Variants in ZBTB10 observed in about 807,000 individuals in gnomAD.
ZBTB10 encodes zinc finger and BTB domain-containing protein 10.
A neutral mutation model predicts 76.4 loss-of-function variants in ZBTB10; 32 were observed. The ratio of observed to expected loss-of-function variants is 0.42; its 90% CI spans 0.32 to 0.56. The LOEUF (loss-of-function observed/expected upper bound fraction) is 0.56. ZBTB10 is among the 20% of genes least tolerant of loss of function. The probability of loss-of-function intolerance (pLI) is 0.14; values close to 1 mark genes in which losing one functional copy is unlikely to be tolerated. For missense variants in ZBTB10, 1,057 were observed against 1,098.5 expected (o/e 0.96, Z 0.53); for synonymous variants, 523 against 432.9 (o/e 1.21, Z -2.58).
rs1815447430 is a variant in ZBTB10 at position 80,486,327 on chromosome 8, C to G, written c.-484C>G. On this transcript the variant is annotated 5_prime_UTR_variant, in exon 1 of 6. Transcript: ENST00000455036. ...CGGAGCCGAGCAGTTTAGCGTGCCTCTCACCCTCAGCGCCTGCGAAGCCGG... is the reference window on the plus strand; with the variant it reads ...CGGAGCCGAGCAGTTTAGCGTGCCTGTCACCCTCAGCGCCTGCGAAGCCGG... 3 of 992,996 alleles carry G rather than the reference C, an allele frequency of 3.0e-6. No individual in the cohort carries two copies. The highest frequency in any genetic ancestry group is 1.2e-4 in the Admixed American group (2 of 16,318). The allele number at this position is 992,996 out of a possible 1,614,324, so 61.5% of individuals were successfully genotyped here. A position where few individuals can be genotyped will look rare whatever the true frequency, so the allele number is the denominator to read the frequency against.
intron 2 of ZBTB10, among the ~76,000 whole-genome samples, chr8:80,508,488 T>TG (rs1433974337): frequency 6.6e-6 from 1 of 152,234 alleles, no homozygotes; most frequent in Non-Finnish European, 1.5e-5. Context: ...GAGTCCCTTA[T>TG]GCGGAACTTA....
rs1364357474 is a variant in ZBTB10 at position 80,521,031 on chromosome 8, T to C, written c.*1503T>C. The C allele has an allele frequency of 2.0e-5, 3 of 152,082 alleles. No individual in the cohort carries two copies. The highest frequency in any genetic ancestry group is 3.4e-3 in the Middle Eastern group (1 of 294). 9.4% of individuals were successfully genotyped at this position (152,082 alleles called of 1,614,324 possible). On this transcript the variant is annotated 3_prime_UTR_variant, in exon 6 of 6. Coordinates refer to ENST00000455036, the MANE Select transcript of ZBTB10 (RefSeq NM_001105539.3). ...TCAGGTAACTAAATTATGCTAGTTA[T>C]GTGGAAAAAATTGCAAAGATGCTTT... is the stretch of plus-strand genomic sequence containing the variant.
At chr8:80,491,379 C>A (rs2131473225) in intron 1 of ZBTB10, among the ~76,000 whole-genome samples, 1 of 152,284 alleles carries the variant, frequency 6.6e-6, no homozygotes. Context: ...CGCTAAGGCA[C>A]AGTGACAAAA....
At chr8:80,511,776 C>G (rs1816200418) in intron 2 of ZBTB10, among the ~76,000 whole-genome samples, 1 of 151,942 alleles carries the variant, frequency 6.6e-6, no homozygotes. Flanking sequence ...CTTCAGATAC[C>G]ATGAATTAAA....
Position 80,520,408 on chromosome 8 carries a change from C to T in ZBTB10, c.*880C>T, listed in dbSNP as rs1312538274. 6.6e-6 allele frequency: 1 copy of T among 152,362 alleles called. No individual in the cohort carries two copies. The highest frequency in any genetic ancestry group is 1.5e-5 in the Non-Finnish European group (1 of 67,932). The allele number at this position is 152,362 out of a possible 1,614,324, so 9.4% of individuals were successfully genotyped here. On this transcript the variant is annotated 3_prime_UTR_variant, in exon 6 of 6. Coordinates refer to ENST00000455036, the MANE Select transcript of ZBTB10 (RefSeq NM_001105539.3). ...TTACTTTGGCACTATTCTTGTTTGC[C>T]TCTTTATTTTTGCCAGTGTACTATA...
rs2131522106 is a variant in ZBTB10 at position 80,520,340 on chromosome 8, C to T, written c.*812C>T. On this transcript the variant is annotated 3_prime_UTR_variant, in exon 6 of 6. Transcript: ENST00000455036. ...GCTGCTCTAATCTGATAAATGGTTA[C>T]TATATGATATTTTCTGACATGGTAT... 6.6e-6 allele frequency: 1 copy of T among 152,604 alleles called. No homozygotes were observed. The highest frequency in any genetic ancestry group is 1.5e-5 in the Non-Finnish European group (1 of 67,942). 9.5% of individuals were successfully genotyped at this position (152,604 alleles called of 1,614,324 possible). A position where few individuals can be genotyped will look rare whatever the true frequency, so the allele number is the denominator to read the frequency against.
chr8:80,525,501 A>G lies in ZBTB10; in HGVS notation c.*5973A>G, dbSNP rs1211976758. 1.3e-5 allele frequency: 2 copies of G among 152,148 alleles called. No homozygotes were observed. The highest frequency in any genetic ancestry group is 2.1e-4 in the South Asian group (1 of 4,826). The allele number at this position is 152,148 out of a possible 1,614,324, so 9.4% of individuals were successfully genotyped here. A position where few individuals can be genotyped will look rare whatever the true frequency, so the allele number is the denominator to read the frequency against. On this transcript the variant is annotated 3_prime_UTR_variant, in exon 6 of 6. Coordinates refer to ENST00000455036, the MANE Select transcript of ZBTB10 (RefSeq NM_001105539.3). ...TCTTGGTGAAAGATAAACACAAGAC[A>G]GTCTTCTTGGCGCAGGTCCTAACAG...
rs952249065 is a variant in ZBTB10, at chr8:80,519,405, T to A, written c.2493T>A (p.Asp831Glu). 10 of 1,612,312 alleles carry A rather than the reference T, an allele frequency of 6.2e-6. No individual in the cohort carries two copies. The highest frequency in any genetic ancestry group is 8.5e-6 in the Non-Finnish European group (10 of 1,179,370). ...DQGQDTEFPR[D>E]EEYEENEVGE... ...GACAGGATACAGAATTCCCTCGGGA[T>A]GAAGAATACGAGGAGAATGAAGTAG... is the stretch of plus-strand genomic sequence containing the variant. Residue 831 changes from aspartate to glutamate, a missense_variant, in exon 6 of 6, where the codon GAT becomes GAA. Transcript: ENST00000455036.
chr8:80,487,821 A>G, intron 1 of ZBTB10, 39 bp downstream of exon 1: 3 of 1,517,700 alleles, frequency 2.0e-6, no homozygotes, highest in Non-Finnish European at 2.6e-6. Context: ...GAGATCTTTT[A>G]GGGAAAGGTT....
At chr8:80,493,198 C>CGCGCGCGT (rs1815679894) in intron 1 of ZBTB10, among the ~76,000 whole-genome samples, 1 of 112,388 alleles carries the variant, frequency 8.9e-6, no homozygotes. Context: ...TCAAAACGCG[C>CGCGCGCGT]GCGCGCGCGC....
Position 80,521,630 on chromosome 8 carries a change from GTACTTT to G in ZBTB10, c.*2110_*2115del, listed in dbSNP as rs1816450422. 1 of 151,664 alleles carries G rather than the reference GTACTTT, an allele frequency of 6.6e-6. No individual in the cohort carries two copies. Among genetic ancestry groups the G allele is most frequent in the Admixed American group, 6.6e-5 (1 of 15,204 alleles). 9.4% of individuals were successfully genotyped at this position (151,664 alleles called of 1,614,324 possible). ...CTGGACTTGGCTTTACATTCTTAAT[GTACTTT>G]TACTTTTCCTCAAGATATGAACTTA... On this transcript the variant is annotated 3_prime_UTR_variant, in exon 6 of 6. Coordinates refer to ENST00000455036, the MANE Select transcript of ZBTB10 (RefSeq NM_001105539.3).
At chr8:80,503,603 C>T (rs1001510445) in intron 2 of ZBTB10, among the ~76,000 whole-genome samples, 2 of 151,988 alleles carry the variant, frequency 1.3e-5, no homozygotes, top group African/African-American at 4.8e-5. Flanking sequence ...CTGAAACCTC[C>T]GCCTCCCAGA....
Position 80,487,396 on chromosome 8 carries a change from G to A in ZBTB10, c.586G>A (p.Gly196Ser). 1 of 1,534,854 alleles carries A rather than the reference G, an allele frequency of 6.5e-7. No homozygotes were observed. The highest frequency in any genetic ancestry group is 8.8e-7 in the Non-Finnish European group (1 of 1,137,900). ...GGAGGAGGGGGCGAGCCTGGGCGAC[G>A]GCAGCGGGGCGGAAGGCGGCAGCTG... ...DEEEGASLGD[G>S]SGAEGGSCSS... The change falls in exon 1 of 6, where the codon GGC (glycine) becomes AGC (serine). Residue 196 changes from glycine to serine, a missense_variant. Gly to Ser is a moderately conservative substitution (Grantham distance 56). Around this residue, in one of 5 missense-constraint regions of ZBTB10, gnomAD observed 556 missense variants for 451.7 expected, o/e 1.23. Transcript: ENST00000455036.
intron 1 of ZBTB10, among the ~76,000 whole-genome samples, chr8:80,490,410 G>GT (rs894412732): frequency 1.3e-5 from 2 of 151,976 alleles, no homozygotes; most frequent in African/African-American, 2.4e-5. Context: ...TAATTTTTAA[G>GT]TTTTTTGTTG....
chr8:80,493,867 C>T (rs766105701), intron 1 of ZBTB10, among the ~76,000 whole-genome samples: 2 of 152,184 alleles, frequency 1.3e-5, no homozygotes, highest in African/African-American at 4.8e-5. Context: ...CATCGTCTGT[C>T]TGCTCCCTAA....
intron 1 of ZBTB10, among the ~76,000 whole-genome samples, 177 bp downstream of exon 1, chr8:80,487,959 CAA>C (rs1158255035): frequency 6.6e-6 from 1 of 151,968 alleles, no homozygotes; most frequent in Admixed American, 6.6e-5. Flanking sequence ...AGCCTGGGAA[CAA>C]GTTTTATAAA....
At chr8:80,491,331 C>T (rs1815625478) in intron 1 of ZBTB10, among the ~76,000 whole-genome samples, 1 of 152,118 alleles carries the variant, frequency 6.6e-6, no homozygotes, top group Admixed American at 6.5e-5. Flanking sequence ...ACCATATAGC[C>T]TAGGTGTGTA....
chr8:80,494,161 TTA>T (rs972613591), intron 1 of ZBTB10, among the ~76,000 whole-genome samples: 16 of 152,224 alleles, frequency 1.1e-4, no homozygotes, highest in African/African-American at 3.6e-4. Context: ...AGTAATATTT[TTA>T]TGTTTTCAAT....
chr8:80,504,978 C>CCAAAA, intron 2 of ZBTB10, among the ~76,000 whole-genome samples: 1 of 152,278 alleles, frequency 6.6e-6, no homozygotes, highest in East Asian at 1.9e-4. Flanking sequence ...ATTTTGCGGG[C>CCAAAA]TCATGGAACA....
Sources: gnomAD v4.1 joint callset for allele counts (sites outside exome capture counted in the v4.1 genomes callset) on GRCh38, gnomAD v4.1.1 for gene constraint, gnomAD v4.1.1 regional missense constraint, MANE v1.5 for transcripts, NCBI Gene and HGNC (gene_info 2026-07-23, HGNC 2026-07-21) for gene names.